The following ESRRG variants were observed in gnomAD, a reference collection of about 807,000 sequenced individuals.
The protein encoded by ESRRG is estrogen-related receptor gamma.
ESRRG carries 13 observed loss-of-function variants against 44.0 expected under a neutral mutation model. The observed-to-expected ratio is 0.30, with a 90% confidence interval of 0.19 to 0.47. The LOEUF (loss-of-function observed/expected upper bound fraction) is 0.47. Among genes scored for constraint, ESRRG ranks in the 20% least tolerant of loss-of-function variants. The probability of loss-of-function intolerance (pLI) is 1.00; values close to 1 mark genes in which losing one functional copy is unlikely to be tolerated. For synonymous variants in ESRRG, 215 were observed against 214.6 expected, an observed-to-expected ratio of 1.00 and a Z score of -0.02; for missense variants, 395 against 580.6, an observed-to-expected ratio of 0.68 and a Z score of 3.29.
chr1:216,652,273 G>A (rs1040024625), intron 2 of ESRRG, among the ~76,000 whole-genome samples: 1 of 151,646 alleles, frequency 6.6e-6, no homozygotes, highest in Admixed American at 6.6e-5. Flanking sequence ...AGTCTGCCTG[G>A]GACCACAGCA....
intron 1 of ESRRG, among the ~76,000 whole-genome samples, chr1:216,982,316 T>A (rs546058148): frequency 3.3e-5 from 5 of 152,334 alleles, no homozygotes; most frequent in African/African-American, 4.8e-5. Flanking sequence ...ATTTTCTTTT[T>A]GGATCTGAAA....
chr1:217,080,518 C>T (rs1257934732), intron 1 of ESRRG, among the ~76,000 whole-genome samples: 3 of 152,036 alleles, frequency 2.0e-5, no homozygotes, highest in East Asian at 1.9e-4. Context: ...GCACGTATCC[C>T]GTACACTGTA....
chr1:216,666,953 T>C (rs2074067710), intron 2 of ESRRG, among the ~76,000 whole-genome samples: 1 of 152,044 alleles, frequency 6.6e-6, no homozygotes, highest in Non-Finnish European at 1.5e-5. Context: ...AAAAAATCAG[T>C]GGAAGAAATG....
At chr1:217,106,513 A>C (rs1238202317) in intron 1 of ESRRG, among the ~76,000 whole-genome samples, 2 of 152,110 alleles carry the variant, frequency 1.3e-5, no homozygotes, top group Non-Finnish European at 2.9e-5. Context: ...AGGGTTGTAA[A>C]AGACATTGAT....
intron 1 of ESRRG, among the ~76,000 whole-genome samples, chr1:216,966,451 C>T (rs2070401047): frequency 6.6e-6 from 1 of 152,162 alleles, no homozygotes; most frequent in South Asian, 2.1e-4. Context: ...GGCTCAACCT[C>T]TAGGAGTAAT....
At chr1:216,693,091 CTTGCCCTTGGCAACACTTT>C in intron 1 of ESRRG, among the ~76,000 whole-genome samples, 1 of 152,352 alleles carries the variant, frequency 6.6e-6, no homozygotes, top group South Asian at 2.1e-4. Context: ...ATTCAACTTC[CTTGCCCTTGGCAACACTTT>C]CTGCGCAACT....
intron 2 of ESRRG, among the ~76,000 whole-genome samples, chr1:216,797,988 CT>C (rs1215110582): frequency 2.0e-5 from 3 of 151,994 alleles, no homozygotes; most frequent in Non-Finnish European, 2.9e-5. Flanking sequence ...TTTGTCCTTC[CT>C]CCTCAATTTG....
intron 5 of ESRRG, among the ~76,000 whole-genome samples, chr1:216,531,209 A>G (rs376842339): frequency 8.5e-5 from 13 of 152,082 alleles, no homozygotes; most frequent in African/African-American, 2.7e-4. Context: ...TCCACACTCA[A>G]ATAATATTAG....
intron 1 of ESRRG, among the ~76,000 whole-genome samples, chr1:216,982,044 A>T (rs2074059707): frequency 6.6e-6 from 1 of 152,166 alleles, no homozygotes; most frequent in Non-Finnish European, 1.5e-5. Context: ...TGAATTCATT[A>T]TTCTCCATAT....
At chr1:216,760,178 C>G (rs1178768806) in intron 2 of ESRRG, among the ~76,000 whole-genome samples, 2 of 151,760 alleles carry the variant, frequency 1.3e-5, no homozygotes, top group Non-Finnish European at 2.9e-5. Flanking sequence ...AGAGGTGGTG[C>G]CCAATAAATA....
chr1:216,722,686 A>G (rs2086613017), intron 1 of ESRRG, among the ~76,000 whole-genome samples: 1 of 152,162 alleles, frequency 6.6e-6, no homozygotes, highest in South Asian at 2.1e-4. Flanking sequence ...ACTTAACGCT[A>G]ACCATGCAAA....
At chr1:216,942,738 T>C (rs143400923) in intron 1 of ESRRG, among the ~76,000 whole-genome samples, 1 of 152,344 alleles carries the variant, frequency 6.6e-6, no homozygotes, top group Non-Finnish European at 1.5e-5. Context: ...TTTATGTTCT[T>C]AGCCCAATTT....
chr1:216,524,392 C>T (rs2047041146), intron 5 of ESRRG, among the ~76,000 whole-genome samples: 1 of 151,166 alleles, frequency 6.6e-6, no homozygotes, highest in South Asian at 2.1e-4. Context: ...GGAACATCTA[C>T]ATGGTGCTAT....
chr1:216,833,632 C>T (rs1332835403), intron 2 of ESRRG, among the ~76,000 whole-genome samples: 5 of 152,046 alleles, frequency 3.3e-5, no homozygotes, highest in African/African-American at 1.2e-4. Context: ...CAATAGATAC[C>T]GCTTAAGGCT....
chr1:217,013,474 A>G (rs1242846382), intron 1 of ESRRG, among the ~76,000 whole-genome samples: 1 of 152,242 alleles, frequency 6.6e-6, no homozygotes. Context: ...ACATTTGAAC[A>G]AGTAAACTCA....
In ESRRG at chr1:216,616,885, G is replaced by C. The variant is rs919643263; in HGVS notation, c.589+34088C>G. On this transcript the variant is annotated intron_variant, in intron 3 of 6. Coordinates refer to ENST00000408911, the MANE Select transcript of ESRRG (RefSeq NM_001438.4). ...TTCTACCTCCAAGATGAGAATAAAT[G>C]TCCCCCAAAGATTCCCTGAGATATG... Among the ~76,000 whole-genome samples, 88 of 152,190 alleles carry C rather than the reference G, an allele frequency of 5.8e-4. 1 individual carries two copies. The highest frequency in any genetic ancestry group is 2.0e-3 in the African/African-American group (83 of 41,538).
chr1:216,954,724 T>TTAATATATACG (rs2067627134), intron 1 of ESRRG, among the ~76,000 whole-genome samples: 1 of 152,114 alleles, frequency 6.6e-6, no homozygotes, highest in South Asian at 2.1e-4. Flanking sequence ...ATGGTTCACG[T>TTAATATATACG]TAATATATAC....
chr1:216,981,786 C>T (rs903539409), intron 1 of ESRRG, among the ~76,000 whole-genome samples: 2 of 151,980 alleles, frequency 1.3e-5, no homozygotes, highest in African/African-American at 4.8e-5. Flanking sequence ...GACTTGTCAC[C>T]TGAGGATGAG....
chr1:216,840,414 G>T (rs978993723), intron 2 of ESRRG, among the ~76,000 whole-genome samples: 1 of 152,314 alleles, frequency 6.6e-6, no homozygotes, highest in African/African-American at 2.4e-5. Context: ...TGTTGTGGCT[G>T]GTTTGATCTT....
Sources: gnomAD v4.1 joint callset for allele counts (sites outside exome capture counted in the v4.1 genomes callset) on GRCh38, gnomAD v4.1.1 for gene constraint, MANE v1.5 for transcripts, NCBI Gene and HGNC (gene_info 2026-07-23, HGNC 2026-07-21) for gene names.